PDZRN3: variants seen among roughly 807,000 people sequenced by gnomAD.
The protein encoded by PDZRN3 is PDZ domain containing ring finger 3, also known as E3 ubiquitin-protein ligase PDZRN3.
Under a neutral mutation model 85.7 loss-of-function variants are expected in PDZRN3, and 38 were observed. The observed-to-expected ratio is 0.44, with a 90% confidence interval of 0.34 to 0.58. The LOEUF is 0.58. Ranked by LOEUF, PDZRN3 falls within the 20% of genes least tolerant of loss-of-function variation. The probability of loss-of-function intolerance (pLI) is 0.01; values close to 1 mark genes in which losing one functional copy is unlikely to be tolerated. For synonymous variants in PDZRN3, 759 were observed against 638.0 expected, an observed-to-expected ratio of 1.19 and a Z score of -2.86; for missense variants, 1,629 against 1,506.4, an observed-to-expected ratio of 1.08 and a Z score of -1.35.
intron 3 of PDZRN3, among the ~76,000 whole-genome samples, chr3:73,514,456 T>C (rs957607578): frequency 6.6e-6 from 1 of 151,932 alleles, no homozygotes; most frequent in Non-Finnish European, 1.5e-5. Flanking sequence ...GGAAGGAGAG[T>C]GATACTTAGG....
intron 3 of PDZRN3, chr3:73,433,742 C>T (rs975824350): frequency 9.8e-6 from 15 of 1,535,598 alleles, no homozygotes; most frequent in African/African-American, 9.6e-5. Flanking sequence ...CTTCCGTTCT[C>T]GCCAGCACCC....
intron 1 of PDZRN3, among the ~76,000 whole-genome samples, chr3:73,622,045 G>A (rs922108099): frequency 3.9e-5 from 6 of 152,156 alleles, no homozygotes; most frequent in South Asian, 2.1e-4. Flanking sequence ...CACTTAAAAC[G>A]ACGAAGGAAG....
chr3:73,448,271 G>C (rs576161716), intron 3 of PDZRN3, among the ~76,000 whole-genome samples: 1 of 152,214 alleles, frequency 6.6e-6, no homozygotes, highest in East Asian at 1.9e-4. Context: ...AACCACCTAC[G>C]ATTGTTGTGA....
chr3:73,575,466 C>A (rs145394388), intron 3 of PDZRN3, among the ~76,000 whole-genome samples: 3 of 152,170 alleles, frequency 2.0e-5, no homozygotes, highest in Admixed American at 6.5e-5. Flanking sequence ...AGAATTTGAT[C>A]AAACACAGTG....
intron 3 of PDZRN3, among the ~76,000 whole-genome samples, chr3:73,478,081 C>T (rs146729382): frequency 2.0e-4 from 31 of 152,268 alleles, no homozygotes; most frequent in African/African-American, 7.2e-4. Flanking sequence ...AATGACATCA[C>T]TTTGAGATGA....
intron 3 of PDZRN3, among the ~76,000 whole-genome samples, chr3:73,505,921 T>G (rs1559713434): frequency 6.6e-6 from 1 of 152,100 alleles, no homozygotes; most frequent in Non-Finnish European, 1.5e-5. Context: ...CACTCAACCA[T>G]CTTTTGGATG....
intron 4 of PDZRN3, 92 bp downstream of exon 4, chr3:73,404,056 G>A: frequency 8.0e-7 from 1 of 1,243,782 alleles, no homozygotes; most frequent in Non-Finnish European, 1.1e-6. Context: ...AAAACTATAG[G>A]GTGCATTAAT....
chr3:73,615,938 A>G (rs1702755361), intron 1 of PDZRN3, among the ~76,000 whole-genome samples: 1 of 152,150 alleles, frequency 6.6e-6, no homozygotes, highest in Non-Finnish European at 1.5e-5. Flanking sequence ...TCTAATTCCA[A>G]CATTGGAGGT....
intron 3 of PDZRN3, among the ~76,000 whole-genome samples, chr3:73,555,503 T>C (rs961098596): frequency 2.0e-5 from 3 of 152,214 alleles, no homozygotes; most frequent in Admixed American, 2.0e-4. Context: ...CACTGACATT[T>C]TGTTAAAAGT....
chr3:73,503,001 G>T (rs1174628567), intron 3 of PDZRN3, among the ~76,000 whole-genome samples: 1 of 152,134 alleles, frequency 6.6e-6, no homozygotes, highest in African/African-American at 2.4e-5. Flanking sequence ...GCACTTCTGG[G>T]GCTGTGTATA....
At chr3:73,584,640 G>C (rs564357905) in intron 3 of PDZRN3, among the ~76,000 whole-genome samples, 8 of 152,194 alleles carry the variant, frequency 5.3e-5, no homozygotes, top group African/African-American at 1.9e-4. Flanking sequence ...CTAGTGTTCT[G>C]ATTTAGATTC....
At chr3:73,589,946 G>A (rs1702330006) in intron 3 of PDZRN3, among the ~76,000 whole-genome samples, 3 of 151,952 alleles carry the variant, frequency 2.0e-5, no homozygotes, top group Non-Finnish European at 4.4e-5. Context: ...GCTCTTTAAT[G>A]CTAAGCAATC....
chr3:73,397,545 G>GC (rs1175578417), intron 5 of PDZRN3, among the ~76,000 whole-genome samples: 1 of 151,788 alleles, frequency 6.6e-6, no homozygotes, highest in Non-Finnish European at 1.5e-5. Context: ...AGCATGCGGG[G>GC]TTTATTAATT....
At chr3:73,588,066 C>T (rs889558605) in intron 3 of PDZRN3, among the ~76,000 whole-genome samples, 1 of 152,114 alleles carries the variant, frequency 6.6e-6, no homozygotes, top group African/African-American at 2.4e-5. Flanking sequence ...GTTGACCTGT[C>T]CTCTAAGTTC....
intron 5 of PDZRN3, 63 bp from the exon 6 acceptor site, chr3:73,391,179 A>G (rs1701520313): frequency 1.0e-6 from 1 of 961,230 alleles, no homozygotes; most frequent in South Asian, 1.3e-5. Flanking sequence ...GGGGATGTCA[A>G]ATGCTTTAAA....
chr3:73,434,337 T>A (rs776205691), intron 3 of PDZRN3, among the ~76,000 whole-genome samples: 2 of 152,224 alleles, frequency 1.3e-5, no homozygotes, highest in Admixed American at 1.3e-4. Context: ...CAGATAATGA[T>A]GGCATATAAA....
At chr3:73,493,547 C>A (rs574072490) in intron 3 of PDZRN3, among the ~76,000 whole-genome samples, 1 of 152,244 alleles carries the variant, frequency 6.6e-6, no homozygotes, top group South Asian at 2.1e-4. Context: ...ATCAGAGAGA[C>A]TGCAGACTCA....
intron 3 of PDZRN3, among the ~76,000 whole-genome samples, chr3:73,556,327 A>G (rs1701695124): frequency 1.3e-5 from 2 of 151,928 alleles, no homozygotes; most frequent in Non-Finnish European, 2.9e-5. Flanking sequence ...TTTTATAATT[A>G]TATTGAAATA....
chr3:73,569,587 G>A lies in PDZRN3; in HGVS notation c.918+32767C>T, dbSNP rs9871738. On this transcript the variant is annotated intron_variant, in intron 3 of 9. Transcript: ENST00000263666. ...CCGCACACACATTGACAGACACAGA[G>A]GACAGACAGCCCTGTGCCAAACCTC... The A allele has an allele frequency of 5.8e-3, 5,918 of 1,021,964 alleles. 249 individuals are homozygous for A. The African/African-American group carries it at 0.093, about 16-fold the overall frequency. 63.3% of individuals were successfully genotyped at this position (1,021,964 alleles called of 1,614,324 possible).
Sources: gnomAD v4.1 joint callset for allele counts (sites outside exome capture counted in the v4.1 genomes callset) on GRCh38, gnomAD v4.1.1 for gene constraint, MANE v1.5 for transcripts, NCBI Gene and HGNC (gene_info 2026-07-23, HGNC 2026-07-21) for gene names.